RABL6: variants seen among roughly 807,000 people sequenced by gnomAD.
The protein encoded by RABL6 is rab-like protein 6.
In RABL6, 28 loss-of-function variants were observed where a neutral mutation model predicts 72.9. The ratio of observed to expected loss-of-function variants is 0.38; its 90% confidence interval spans 0.28 to 0.53. The LOEUF is 0.53. Ranked by LOEUF, RABL6 falls within the 20% of genes least tolerant of loss-of-function variation. The probability of loss-of-function intolerance (pLI) is 0.80; values close to 1 mark genes in which losing one functional copy is unlikely to be tolerated. For synonymous variants in RABL6, 477 were observed against 421.2 expected (o/e 1.13, Z -1.62); for missense variants, 1,029 against 1,008.4 (o/e 1.02, Z -0.28).
At chr9:136,838,626 G>A (rs1016886680) in intron 10 of RABL6, among the ~76,000 whole-genome samples, 5 of 152,196 alleles carry the variant, frequency 3.3e-5, no homozygotes, top group Admixed American at 2.6e-4. Flanking sequence ...CCGTGGCCCT[G>A]AGCTGGGCCC....
intron 1 of RABL6, chr9:136,815,185 C>A: frequency 3.0e-6 from 1 of 333,176 alleles, no homozygotes; most frequent in South Asian, 2.5e-5. Context: ...TCTTGCCGTT[C>A]TTTGCCCCCT....
At chr9:136,836,154 C>G in intron 8 of RABL6, 1 of 306,476 alleles carries the variant, frequency 3.3e-6, no homozygotes, top group Non-Finnish European at 6.1e-6. Context: ...AGGGGCTTGG[C>G]CTCCCAGATT....
In RABL6 at chr9:136,823,255, A is replaced by G. The variant is rs534484675; in HGVS notation, c.131-270A>G. Among the ~76,000 whole-genome samples, 5 of 143,370 alleles carry G rather than the reference A, an allele frequency of 3.5e-5. No individual in the cohort carries two copies. In the East Asian group the frequency reaches 9.7e-4, roughly 28 times the overall value. 94.1% of individuals were successfully genotyped at this position (143,370 alleles called of 152,430 possible). Reference sequence around the variant, plus strand: ...GCAGAACCACGTCCTCCAAGTAGAAAGCCTGACCTGGCTCCAAGTAGAAAG... The same window carrying G: ...GCAGAACCACGTCCTCCAAGTAGAAGGCCTGACCTGGCTCCAAGTAGAAAG... On this transcript the variant is annotated intron_variant, in intron 1 of 14. Coordinates refer to ENST00000311502, the MANE Select transcript of RABL6 (RefSeq NM_024718.5).
chr9:136,825,416 G>T (rs1469048403), intron 2 of RABL6, among the ~76,000 whole-genome samples: 1 of 151,320 alleles, frequency 6.6e-6, no homozygotes, highest in Middle Eastern at 3.5e-3. Flanking sequence ...ATCGGGGCCC[G>T]GGAGGGAGGG....
chr9:136,810,533 T>C (rs1847987003), intron 1 of RABL6, among the ~76,000 whole-genome samples: 1 of 152,138 alleles, frequency 6.6e-6, no homozygotes, highest in Non-Finnish European at 1.5e-5. Context: ...TAGTATTTCT[T>C]TTCTTTTCTT....
chr9:136,808,632 GC>G (rs535121166), intron 1 of RABL6: 1 of 167,904 alleles, frequency 6.0e-6, no homozygotes, highest in Non-Finnish European at 1.3e-5. Context: ...CGGCTGCCCG[GC>G]CCGGGGGTGA....
intron 1 of RABL6, among the ~76,000 whole-genome samples, chr9:136,822,907 T>C (rs970899272): frequency 5.3e-5 from 8 of 151,906 alleles, no homozygotes; most frequent in African/African-American, 1.9e-4. Context: ...GCTAACACGG[T>C]GAAACCCCGT....
chr9:136,823,027 G>A (rs1469328886), intron 1 of RABL6, among the ~76,000 whole-genome samples: 1 of 150,802 alleles, frequency 6.6e-6, no homozygotes, highest in African/African-American at 2.4e-5. Context: ...GGTGGAGCTT[G>A]CAGTGAGCCG....
At chr9:136,840,059 G>T in intron 13 of RABL6, 95 bp from the exon 14 acceptor site, 1 of 1,567,328 alleles carries the variant, frequency 6.4e-7, no homozygotes, top group Non-Finnish European at 8.8e-7. Context: ...GAGGGCTGGG[G>T]CTCGCTGCTT....
intron 1 of RABL6, among the ~76,000 whole-genome samples, chr9:136,821,155 A>G (rs969734518): frequency 2.0e-5 from 3 of 152,200 alleles, no homozygotes; most frequent in Non-Finnish European, 2.9e-5. Context: ...GCCTTGTTTA[A>G]GTTCCTTACA....
intron 1 of RABL6, among the ~76,000 whole-genome samples, chr9:136,817,838 G>C (rs1048521797): frequency 6.6e-6 from 1 of 152,062 alleles, no homozygotes; most frequent in Admixed American, 6.5e-5. Flanking sequence ...GAGGCAGGTG[G>C]ATCACTTGAG....
chr9:136,835,436 C>T, intron 7 of RABL6: 1 of 301,488 alleles, frequency 3.3e-6, no homozygotes, highest in Non-Finnish European at 6.2e-6. Flanking sequence ...GGCTTCTTCA[C>T]TCTTAGAGGT....
At position 136,837,640 on chromosome 9, in the gene RABL6, C is replaced by A. The variant is rs765845388; in HGVS notation, c.1104C>A (p.Thr368=). ...GGCTGTTTGGGACGTCACCTGCCAC[C>A]GAGGCAGCCCCTCCACCTCCAGGTA... is the stretch of plus-strand genomic sequence containing the variant. The part of the protein sequence containing the change: ...ISRLFGTSPA[T]EAAPPPPEPV... The change falls in exon 9 of 15, where the codon ACC becomes ACA. Residue 368 remains threonine (T), a synonymous_variant. Coordinates refer to ENST00000311502, the MANE Select transcript of RABL6 (RefSeq NM_024718.5). The A allele has an allele frequency of 3.8e-6, 6 of 1,594,016 alleles. No homozygotes were observed. The East Asian group carries it at 9.1e-5, about 24-fold the overall frequency.
chr9:136,827,001 C>G (rs1848373697), intron 3 of RABL6: 1 of 152,466 alleles, frequency 6.6e-6, no homozygotes, highest in African/African-American at 2.4e-5. Flanking sequence ...TGGGCCCCCC[C>G]TTCCTGGTGG....
intron 2 of RABL6, among the ~76,000 whole-genome samples, chr9:136,824,338 T>G (rs1450954913): frequency 3.5e-5 from 5 of 141,874 alleles, no homozygotes; most frequent in East Asian, 4.0e-4. Flanking sequence ...TTTTTTTTTT[T>G]TTTTTTTTTT....
Position 136,839,239 on chromosome 9 carries a change from C to A in RABL6, c.1511C>A (p.Ser504Ter), listed in dbSNP as rs544871152. The A allele has an allele frequency of 6.2e-7, 1 of 1,600,380 alleles. No individual in the cohort carries two copies. Among genetic ancestry groups the A allele is most frequent in the Non-Finnish European group, 8.5e-7 (1 of 1,173,672 alleles). The change falls in exon 12 of 15, where the codon TCG (serine) becomes TAG (stop). Residue 504 changes from serine (S) to a stop codon, truncating the protein, a stop_gained. Coordinates refer to ENST00000311502, the MANE Select transcript of RABL6 (RefSeq NM_024718.5). LOFTEE classifies it high-confidence loss of function. Reference sequence around the variant, plus strand: ...CCACAAAGGTCCTCCATACCAGCTTCGAAGCCACGGAGGGGGACAGCTCCC... The same window carrying A: ...CCACAAAGGTCCTCCATACCAGCTTAGAAGCCACGGAGGGGGACAGCTCCC... Reference protein sequence around the residue: ...PETKWSSIPASKPRRGTAPTR... With the variant: ...PETKWSSIPA
rs148050840 is a variant in RABL6 at position 136,821,938 on chromosome 9, C to T, written c.131-1587C>T. The T allele has an allele frequency of 9.3e-4, 1,192 of 1,288,460 alleles. 11 individuals are homozygous for T. In the African/African-American group the frequency reaches 0.015, roughly 16 times the overall value. 79.8% of individuals were successfully genotyped at this position (1,288,460 alleles called of 1,614,324 possible). A position where few individuals can be genotyped will look rare whatever the true frequency, so the allele number is the denominator to read the frequency against. The stretch of plus-strand genomic sequence containing the variant: ...CCTGGGTCCCCTCTGGAGGTTTTGC[C>T]GCAGCGCTGGCCGGCGCCGAGATAT... On this transcript the variant is annotated intron_variant, in intron 1 of 14. Transcript: ENST00000311502.
At chr9:136,812,621 A>G (rs775454662) in intron 1 of RABL6, among the ~76,000 whole-genome samples, 2 of 152,160 alleles carry the variant, frequency 1.3e-5, no homozygotes, top group Admixed American at 6.5e-5. Flanking sequence ...CAAGGAAGGT[A>G]TTACCCTTGA....
chr9:136,829,211 C>T (rs1175038390), intron 4 of RABL6, among the ~76,000 whole-genome samples, 182 bp from the exon 5 acceptor site: 1 of 152,244 alleles, frequency 6.6e-6, no homozygotes, highest in Non-Finnish European at 1.5e-5. Flanking sequence ...CTGGTGTTGA[C>T]CGTCAGACCC....
Sources: allele counts gnomAD v4.1 joint callset (sites outside exome capture counted in the v4.1 genomes callset), GRCh38; gene constraint gnomAD v4.1.1; transcripts MANE v1.5; gene names NCBI Gene and HGNC (gene_info 2026-07-23, HGNC 2026-07-21).